The following NOS1 variants were observed in gnomAD, a reference collection of about 807,000 sequenced individuals.
The protein encoded by NOS1 is NOS type I.
NOS1 carries 51 observed loss-of-function variants against 164.5 expected under a neutral mutation model. The ratio of observed to expected loss-of-function variants is 0.31; its 90% CI spans 0.25 to 0.39. NOS1 has a LOEUF of 0.39. Among genes scored for constraint, NOS1 ranks in the 10% least tolerant of loss-of-function variants. NOS1 has a pLI of 1.00. For synonymous variants in NOS1, 719 were observed against 745.8 expected (o/e 0.96, Z 0.59); for missense variants, 1,362 against 1,885.6 (o/e 0.72, Z 5.14).
Position 117,330,308 on chromosome 12 carries a change from A to G in NOS1, c.725+37T>C. 1 of 1,562,634 alleles carries G rather than the reference A, an allele frequency of 6.4e-7. No homozygotes were observed. The highest frequency in any genetic ancestry group is 8.7e-7 in the Non-Finnish European group (1 of 1,147,998). ...TGCACACACACAAGCATGCACACAC[A>G]CACACACACACACACACACACCCCT... On this transcript the variant is annotated intron_variant, in intron 2 of 28. Coordinates refer to ENST00000317775, the MANE Select transcript of NOS1 (RefSeq NM_000620.5). This position sits in a 1 kb window ranked among gnomAD's most constrained non-coding sequence, Gnocchi z 4.6.
intron 1 of NOS1, among the ~76,000 whole-genome samples, chr12:117,352,654 G>T (rs1876677746): frequency 6.6e-6 from 1 of 152,158 alleles, no homozygotes; most frequent in African/African-American, 2.4e-5. Flanking sequence ...AAGAGAAACT[G>T]CCATGAAAAA....
rs1875465112 is a variant in NOS1, at chr12:117,330,300, G to GCATGCACA, written c.725+44_725+45insTGTGCATG. Reference sequence around the variant, plus strand: ...GACGCACATGCACACACACAAGCATGCACACACACACACACACACACACAC... The same window carrying GCATGCACA: ...GACGCACATGCACACACACAAGCATGCATGCACACACACACACACACACACACACACAC... On this transcript the variant is annotated intron_variant, in intron 2 of 28. Coordinates refer to ENST00000317775, the MANE Select transcript of NOS1 (RefSeq NM_000620.5). The surrounding 1 kb of genome is among the most constrained non-coding windows in gnomAD (Gnocchi z 4.6). 6.0e-6 allele frequency: 9 copies of GCATGCACA among 1,492,180 alleles called. No individual in the cohort carries two copies. Among genetic ancestry groups the GCATGCACA allele is most frequent in the Non-Finnish European group, 8.1e-6 (9 of 1,111,966 alleles). The allele number at this position is 1,492,180 out of a possible 1,614,324, so 92.4% of individuals were successfully genotyped here.
rs1245216634 is a variant in NOS1, at chr12:117,243,377, G to A, written c.2882C>T (p.Ser961Phe). Residue 961 changes from serine (S) to phenylalanine (F), a missense_variant, in exon 19 of 29, where the codon TCC becomes TTC. Transcript: ENST00000317775. This position sits in a 1 kb window ranked among gnomAD's most constrained non-coding sequence, Gnocchi z 4.3. ...DDVNIEKANN[S>F]LISNDRSWKR... is the part of the protein sequence containing the mutation. ...CCAGCTGCGATCATTGCTGATGAGG[G>A]AATTGTTGGCCTTTTCAATGTTGAC... The A allele has an allele frequency of 6.2e-7, 1 of 1,613,996 alleles. No individual in the cohort carries two copies. The highest frequency in any genetic ancestry group is 8.5e-7 in the Non-Finnish European group (1 of 1,180,048).
rs111326073 is a variant in NOS1, at chr12:117,330,300, G to GCACACACACACACACA, written c.725+29_725+44dup. The GCACACACACACACACA allele has an allele frequency of 1.0e-5, 15 of 1,492,278 alleles. No homozygotes were observed. The African/African-American group carries it at 1.5e-4, about 15-fold the overall frequency. 92.4% of individuals were successfully genotyped at this position (1,492,278 alleles called of 1,614,324 possible). A position where few individuals can be genotyped will look rare whatever the true frequency, so the allele number is the denominator to read the frequency against. On this transcript the variant is annotated intron_variant, in intron 2 of 28. Coordinates refer to ENST00000317775, the MANE Select transcript of NOS1 (RefSeq NM_000620.5). This position sits in a 1 kb window ranked among gnomAD's most constrained non-coding sequence, Gnocchi z 4.6. The stretch of plus-strand genomic sequence containing the variant: ...GACGCACATGCACACACACAAGCAT[G>GCACACACACACACACA]CACACACACACACACACACACACAC...
intron 10 of NOS1, among the ~76,000 whole-genome samples, chr12:117,269,872 G>C (rs886772692): frequency 6.6e-6 from 1 of 152,122 alleles, no homozygotes; most frequent in Admixed American, 6.5e-5. Flanking sequence ...TCATGACCTA[G>C]CATCTAGGCC....
chr12:117,241,550 T>C (rs1307263074), intron 20 of NOS1, among the ~76,000 whole-genome samples: 1 of 150,690 alleles, frequency 6.6e-6, no homozygotes. Flanking sequence ...TGAACTATGC[T>C]GTGCAAAGAA....
chr12:117,360,469 C>T (rs1433593528), intron 1 of NOS1, among the ~76,000 whole-genome samples: 1 of 152,266 alleles, frequency 6.6e-6, no homozygotes, highest in Non-Finnish European at 1.5e-5. Flanking sequence ...CTCGGCCTCC[C>T]TAGAGCCTCC....
rs1283748732 is a variant in NOS1, at chr12:117,234,684, C to T, written c.3116G>A (p.Gly1039Asp). Residue 1039 changes from glycine to aspartate, a missense_variant, in exon 21 of 29, where the codon GGT becomes GAT. Coordinates refer to ENST00000317775, the MANE Select transcript of NOS1 (RefSeq NM_000620.5). The surrounding 1 kb of genome is among the most constrained non-coding windows in gnomAD (Gnocchi z 4.3). ...ELQYQPGDHLGVFPGNHEDLV... is the reference protein window; with the variant it reads ...ELQYQPGDHLDVFPGNHEDLV... Reference sequence around the variant, plus strand: ...GTCCTCGTGGTTGCCAGGGAAGACACCCAGGTGGTCCCCAGGCTGGTACTG... The same window carrying T: ...GTCCTCGTGGTTGCCAGGGAAGACATCCAGGTGGTCCCCAGGCTGGTACTG... 6.2e-7 allele frequency: 1 copy of T among 1,614,154 alleles called. No individual in the cohort carries two copies. Among genetic ancestry groups the T allele is most frequent in the Non-Finnish European group, 8.5e-7 (1 of 1,180,016 alleles).
chr12:117,307,358 T>G (rs1200770435), intron 3 of NOS1, among the ~76,000 whole-genome samples: 1 of 152,072 alleles, frequency 6.6e-6, no homozygotes, highest in African/African-American at 2.4e-5. Flanking sequence ...TAGGTGCTTT[T>G]TTTTGTTTTG....
In NOS1 at chr12:117,232,228, A is replaced by G. The variant is rs1439168667; in HGVS notation, c.3236-97T>C. The G allele has an allele frequency of 1.7e-6, 2 of 1,149,184 alleles. 1 individual carries two copies. Among genetic ancestry groups the G allele is most frequent in the East Asian group, 4.9e-5 (2 of 40,824 alleles). 71.2% of individuals were successfully genotyped at this position (1,149,184 alleles called of 1,614,324 possible). A position where few individuals can be genotyped will look rare whatever the true frequency, so the allele number is the denominator to read the frequency against. On this transcript the variant is annotated intron_variant, in intron 21 of 28. Coordinates refer to ENST00000317775, the MANE Select transcript of NOS1 (RefSeq NM_000620.5). The stretch of plus-strand genomic sequence containing the variant: ...TCCTGGAGCAGAGGATGGGGCCAGG[A>G]GAGGAGGGTGGCTCCAGAGCCAAGC...
chr12:117,261,017 A>T (rs546438777), intron 13 of NOS1, among the ~76,000 whole-genome samples: 5 of 151,944 alleles, frequency 3.3e-5, no homozygotes, highest in South Asian at 4.2e-4. Context: ...AAATACAAAA[A>T]AATTAGCCGG....
chr12:117,264,443 T>G (rs1434941474), intron 12 of NOS1, among the ~76,000 whole-genome samples: 1 of 148,072 alleles, frequency 6.8e-6, no homozygotes, highest in Non-Finnish European at 1.5e-5. Context: ...CAGCTAATTT[T>G]CTTATTTATT....
At position 117,330,826 on chromosome 12, in the gene NOS1, C is replaced by G. The variant is rs1875507785; in HGVS notation, c.244G>C (p.Glu82Gln). The G allele has an allele frequency of 6.2e-7, 1 of 1,613,948 alleles. No homozygotes were observed. ...TCAGAGGCAATGCCTCTGAGTACCT[C>G]CAGGGCGCTGTCATAGCTCAGGTCC... is the stretch of plus-strand genomic sequence containing the variant. ...LVDLSYDSAL[E>Q]VLRGIASETH... The change falls in exon 2 of 29, where the codon GAG (glutamate) becomes CAG (glutamine). Residue 82 changes from glutamate (E) to glutamine (Q), a missense_variant. Coordinates refer to ENST00000317775, the MANE Select transcript of NOS1 (RefSeq NM_000620.5). The surrounding 1 kb of genome is among the most constrained non-coding windows in gnomAD (Gnocchi z 4.6).
chr12:117,282,254 T>C (rs1240041746), intron 7 of NOS1, among the ~76,000 whole-genome samples: 1 of 151,348 alleles, frequency 6.6e-6, no homozygotes, highest in East Asian at 1.9e-4. Flanking sequence ...TTTTTCACGA[T>C]GTAGTTCAAT....
In NOS1 at chr12:117,290,401, G is replaced by C; in HGVS notation, c.878C>G (p.Pro293Arg). ...CTTGGAGGGGCTGCCATTCTTTGTGGGGGACTGTTTTCCTGAGGTGGGGGG... is the reference window on the plus strand; with the variant it reads ...CTTGGAGGGGCTGCCATTCTTTGTGCGGGACTGTTTTCCTGAGGTGGGGGG... ...EQPPTSGKQSPTKNGSPSKCP... is the reference protein window; with the variant it reads ...EQPPTSGKQSRTKNGSPSKCP... The change falls in exon 4 of 29, where the codon CCC becomes CGC. Residue 293 changes from proline to arginine, a missense_variant. Pro to Arg is a moderately radical substitution (Grantham distance 103). Transcript: ENST00000317775. 7 of 1,613,542 alleles carry C rather than the reference G, an allele frequency of 4.3e-6. No homozygotes were observed. The highest frequency in any genetic ancestry group is 5.9e-6 in the Non-Finnish European group (7 of 1,179,720).
rs1231111386 is a variant in NOS1, at chr12:117,272,423, G to A, written c.1801C>T (p.Arg601Cys). 2 of 1,614,078 alleles carry A rather than the reference G, an allele frequency of 1.2e-6. No individual in the cohort carries two copies. The highest frequency in any genetic ancestry group is 8.5e-7 in the Non-Finnish European group (1 of 1,180,014). Residue 601 changes from arginine (R) to cysteine (C), a missense_variant, in exon 10 of 29, where the codon CGC becomes TGC. Around this residue, in one of 4 missense-constraint regions of NOS1, gnomAD observed 134 missense variants for 267.3 expected, o/e 0.50. Transcript: ENST00000317775. The surrounding 1 kb of genome is among the most constrained non-coding windows in gnomAD (Gnocchi z 4.3). ...GWYMGTEIGV[R>C]DYCDNSRYNI... ...TAGCGGGAGTTGTCACAGTAGTCGC[G>A]GACACCAATCTCTGTGCCCATGTAC... is the stretch of plus-strand genomic sequence containing the variant.
chr12:117,319,720 T>C (rs1874827312), intron 2 of NOS1, among the ~76,000 whole-genome samples: 1 of 152,182 alleles, frequency 6.6e-6, no homozygotes, highest in African/African-American at 2.4e-5. Context: ...ATGGGAAAAC[T>C]GTGTGTGGTC....
chr12:117,358,072 G>A (rs943516696), intron 1 of NOS1, among the ~76,000 whole-genome samples: 1 of 152,192 alleles, frequency 6.6e-6, no homozygotes, highest in Non-Finnish European at 1.5e-5. Context: ...CACAGAACCT[G>A]AGTGACAGGC....
chr12:117,240,521 T>G (rs1053032308), intron 20 of NOS1, among the ~76,000 whole-genome samples: 2 of 152,232 alleles, frequency 1.3e-5, no homozygotes, highest in East Asian at 1.9e-4. Flanking sequence ...GTGTAGCCAT[T>G]TGGCACACTG....
Sources: allele counts gnomAD v4.1 joint callset (sites outside exome capture counted in the v4.1 genomes callset), GRCh38; gene constraint gnomAD v4.1.1; regional missense constraint gnomAD v4.1.1; non-coding constraint Gnocchi (gnomAD v3.1); transcripts MANE v1.5; gene names NCBI Gene and HGNC (gene_info 2026-07-23, HGNC 2026-07-21).